ARHGAP23: variants seen among roughly 807,000 people sequenced by gnomAD.
The protein encoded by ARHGAP23 is rho GTPase-activating protein 23.
ARHGAP23 carries 34 observed loss-of-function variants against 136.3 expected under a neutral mutation model. The ratio of observed to expected loss-of-function variants is 0.25; its 90% CI spans 0.19 to 0.33. The LOEUF (loss-of-function observed/expected upper bound fraction) is 0.33. Among genes scored for constraint, ARHGAP23 ranks in the 10% least tolerant of loss-of-function variants. The pLI, the probability that ARHGAP23 is intolerant of heterozygous loss-of-function variation, is 1.00. For synonymous variants in ARHGAP23, 832 were observed against 920.5 expected (o/e 0.90, Z 1.74); for missense variants, 1,808 against 2,139.0 (o/e 0.85, Z 3.05).
intron 16 of ARHGAP23, among the ~76,000 whole-genome samples, chr17:38,483,686 G>A (rs1296046512): frequency 6.6e-6 from 1 of 152,250 alleles, no homozygotes; most frequent in Non-Finnish European, 1.5e-5. Flanking sequence ...TGAGACAAGT[G>A]TGTGTGAAAT....
At chr17:38,458,309 G>A (rs1348050338) in intron 2 of ARHGAP23, 46 bp downstream of exon 2, 1 of 1,460,988 alleles carries the variant, frequency 6.8e-7, no homozygotes, top group East Asian at 2.5e-5. Flanking sequence ...GCTTTCATGA[G>A]GGAGGGAGAC....
At chr17:38,434,323 G>A (rs2038746536) in intron 1 of ARHGAP23, among the ~76,000 whole-genome samples, 1 of 152,236 alleles carries the variant, frequency 6.6e-6, no homozygotes, top group African/African-American at 2.4e-5. Context: ...TGCATTTGGG[G>A]GCGTCCGGGG....
intron 6 of ARHGAP23, among the ~76,000 whole-genome samples, chr17:38,464,662 C>T (rs769273931): frequency 1.3e-5 from 2 of 152,310 alleles, no homozygotes; most frequent in East Asian, 1.9e-4. Flanking sequence ...CAGGCTGAGG[C>T]GAGGCCAGCT....
At chr17:38,489,131 C>T (rs2040217945) in intron 17 of ARHGAP23, among the ~76,000 whole-genome samples, 1 of 152,096 alleles carries the variant, frequency 6.6e-6, no homozygotes, top group East Asian at 1.9e-4. Context: ...TGATGCGCCT[C>T]AGCCTTCCAA....
At chr17:38,423,330 C>G (rs896068748) in intron 1 of ARHGAP23, among the ~76,000 whole-genome samples, 2 of 151,850 alleles carry the variant, frequency 1.3e-5, no homozygotes, top group Non-Finnish European at 2.9e-5. Context: ...GTAGCTGAGA[C>G]TACAGGCACG....
At chr17:38,486,905 CTT>C (rs539374982) in intron 17 of ARHGAP23, among the ~76,000 whole-genome samples, 5 of 152,194 alleles carry the variant, frequency 3.3e-5, no homozygotes, top group African/African-American at 4.8e-5. Flanking sequence ...TCCTGGCCCT[CTT>C]ATATGCATGG....
intron 1 of ARHGAP23, among the ~76,000 whole-genome samples, chr17:38,435,350 G>A (rs573705710): frequency 3.3e-5 from 5 of 152,260 alleles, no homozygotes; most frequent in Admixed American, 2.6e-4. Context: ...GTAGAGAAGT[G>A]CCCAGAGTCC....
chr17:38,453,444 T>TGTGCGTGTGTGTGTGTGC (rs2039232652), intron 1 of ARHGAP23, among the ~76,000 whole-genome samples: 1 of 141,558 alleles, frequency 7.1e-6, no homozygotes, highest in Non-Finnish European at 1.5e-5. Flanking sequence ...TGTGTGTGTG[T>TGTGCGTGTGTGTGTGTGC]GTGTGTGTGT....
At position 38,478,037 on chromosome 17, in the gene ARHGAP23, C is replaced by T. The variant is rs1185994512; in HGVS notation, c.2436+141C>T. 10 of 956,584 alleles carry T rather than the reference C, an allele frequency of 1.0e-5. No homozygotes were observed. The South Asian group carries it at 1.3e-4, about 12-fold the overall frequency. The allele number at this position is 956,584 out of a possible 1,614,324, so 59.3% of individuals were successfully genotyped here. A position where few individuals can be genotyped will look rare whatever the true frequency, so the allele number is the denominator to read the frequency against. On this transcript the variant is annotated intron_variant, in intron 12 of 23. Coordinates refer to ENST00000622683, the MANE Select transcript of ARHGAP23 (RefSeq NM_001199417.2). ...ACAGGAGTGCACCTCGTGATTGTGT[C>T]CCCCAAGGTTTCGGGGTGAGGAGGG...
chr17:38,450,058 C>A (rs183162149), intron 1 of ARHGAP23, among the ~76,000 whole-genome samples: 30 of 152,306 alleles, frequency 2.0e-4, no homozygotes, highest in African/African-American at 6.0e-4. Context: ...CTGGCCCCAC[C>A]CTCAAAAAAC....
At chr17:38,464,589 G>A (rs1287717158) in intron 6 of ARHGAP23, among the ~76,000 whole-genome samples, 2 of 152,222 alleles carry the variant, frequency 1.3e-5, no homozygotes, top group Admixed American at 6.5e-5. Flanking sequence ...AGGGAGGAAG[G>A]AGGGGGGGAT....
chr17:38,438,522 C>G (rs2144517043), intron 1 of ARHGAP23, among the ~76,000 whole-genome samples: 1 of 152,160 alleles, frequency 6.6e-6, no homozygotes, highest in African/African-American at 2.4e-5. Flanking sequence ...GAGACCAGAT[C>G]CCGCCCCTTC....
intron 3 of ARHGAP23, among the ~76,000 whole-genome samples, chr17:38,462,113 C>T (rs937898206): frequency 1.3e-5 from 2 of 151,818 alleles, no homozygotes; most frequent in East Asian, 1.9e-4. Context: ...CCACCGCGCC[C>T]GGCTAATTTT....
intron 16 of ARHGAP23, among the ~76,000 whole-genome samples, chr17:38,483,138 C>T (rs912092052): frequency 2.0e-5 from 3 of 152,312 alleles, no homozygotes; most frequent in Admixed American, 2.0e-4. Context: ...CCCTTCTCTT[C>T]CTCCTCCTTC....
At chr17:38,469,729 A>T in intron 9 of ARHGAP23, 94 bp downstream of exon 9, 1 of 1,506,280 alleles carries the variant, frequency 6.6e-7, no homozygotes, top group East Asian at 2.5e-5. Context: ...TCCTCTATGC[A>T]TGGGACAGTG....
intron 1 of ARHGAP23, among the ~76,000 whole-genome samples, chr17:38,438,381 G>C (rs1179415388): frequency 6.6e-6 from 1 of 151,690 alleles, no homozygotes; most frequent in African/African-American, 2.4e-5. Context: ...GGAGAAGGGA[G>C]AGAAGGGTGT....
At chr17:38,507,685 A>C (rs917416493) in intron 23 of ARHGAP23, among the ~76,000 whole-genome samples, 1 of 152,176 alleles carries the variant, frequency 6.6e-6, no homozygotes, top group African/African-American at 2.4e-5. Context: ...ACTGGCCACC[A>C]TATGCTCCAG....
chr17:38,497,863 G>C, intron 21 of ARHGAP23, 37 bp downstream of exon 21: 1 of 1,549,138 alleles, frequency 6.5e-7, no homozygotes, highest in Non-Finnish European at 8.7e-7. Context: ...CATGGGGGCT[G>C]GTCTGGGGTG....
chr17:38,460,565 G>T (rs947747764), intron 2 of ARHGAP23, among the ~76,000 whole-genome samples: 6 of 152,160 alleles, frequency 3.9e-5, no homozygotes, highest in Middle Eastern at 3.2e-3. Flanking sequence ...CTTGTCACGT[G>T]CCTATCTGTG....
Sources: allele counts gnomAD v4.1 joint callset (sites outside exome capture counted in the v4.1 genomes callset), GRCh38; gene constraint gnomAD v4.1.1; transcripts MANE v1.5; gene names NCBI Gene and HGNC (gene_info 2026-07-23, HGNC 2026-07-21).